Variants in RHOT1 observed in about 807,000 individuals in gnomAD.
The protein encoded by RHOT1 is mitochondrial Rho GTPase 1.
RHOT1 carries 27 observed loss-of-function variants against 95.3 expected under a neutral mutation model. That is an observed-to-expected ratio of 0.28 (90% confidence interval 0.21 to 0.39). The LOEUF (loss-of-function observed/expected upper bound fraction) is 0.39, where lower values mean the gene tolerates loss of function less well. Among genes scored for constraint, RHOT1 ranks in the 10% least tolerant of loss-of-function variants. The pLI, the probability that RHOT1 is intolerant of heterozygous loss-of-function variation, is 1.00. For synonymous variants in RHOT1, 227 were observed against 263.5 expected (o/e 0.86, Z 1.34); for missense variants, 578 against 786.7 (o/e 0.73, Z 3.17).
intron 5 of RHOT1, 51 bp downstream of exon 5, chr17:32,176,066 A>G (rs775621337): frequency 6.3e-7 from 1 of 1,579,944 alleles, no homozygotes; most frequent in Admixed American, 1.8e-5. Flanking sequence ...AGTGCTTCCA[A>G]AGTTGATTCT....
chr17:32,156,247 T>C (rs979392640), intron 1 of RHOT1, among the ~76,000 whole-genome samples: 2 of 152,192 alleles, frequency 1.3e-5, no homozygotes, highest in Non-Finnish European at 2.9e-5. Flanking sequence ...TACTATATCT[T>C]ACGTAGTGGT....
At chr17:32,203,052 G>C (rs1366900548) in intron 15 of RHOT1, 152 bp downstream of exon 15, 2 of 735,406 alleles carry the variant, frequency 2.7e-6, no homozygotes, top group East Asian at 2.7e-5. Context: ...CAGTAATCCT[G>C]TTGAACTGTC....
At chr17:32,175,071 A>G (rs73286135) in intron 3 of RHOT1, among the ~76,000 whole-genome samples, 1,720 of 152,322 alleles carry the variant, frequency 0.011, 34 homozygotes, top group African/African-American at 0.039. Context: ...TCTGGACCAG[A>G]TGCTGGCCTA....
In RHOT1 at chr17:32,198,657, T is replaced by C. The variant is rs186972246; in HGVS notation, c.870-290T>C. The stretch of plus-strand genomic sequence containing the variant: ...CCAGGAGGTCGAGACTGCAGTGAGC[T>C]GTGATCGTGCCACTGCACTGTAGCC... On this transcript the variant is annotated intron_variant, in intron 11 of 19. Transcript: ENST00000545287. Among the ~76,000 whole-genome samples, 118 of 152,286 alleles carry C rather than the reference T, an allele frequency of 7.7e-4. 1 individual carries two copies. The highest frequency in any genetic ancestry group is 2.0e-3 in the Admixed American group (31 of 15,284).
chr17:32,148,549 C>T (rs947905490), intron 1 of RHOT1, among the ~76,000 whole-genome samples: 7 of 152,212 alleles, frequency 4.6e-5, no homozygotes, highest in Non-Finnish European at 8.8e-5. Flanking sequence ...TTTTGTTCTG[C>T]AGGCCACATC....
chr17:32,142,911 C>T (rs938755931), intron 1 of RHOT1, 182 bp downstream of exon 1: 7 of 734,424 alleles, frequency 9.5e-6, no homozygotes, highest in South Asian at 1.5e-5. Context: ...TCTCTTTTGG[C>T]TGGCCGCCGG....
chr17:32,218,171 CTT>C (rs1173646292), intron 19 of RHOT1, among the ~76,000 whole-genome samples: 1 of 150,444 alleles, frequency 6.6e-6, no homozygotes, highest in Non-Finnish European at 1.5e-5. Flanking sequence ...CCTCAGAAGA[CTT>C]TTTTTTTAAG....
At chr17:32,167,290 T>C (rs2034171733) in intron 1 of RHOT1, among the ~76,000 whole-genome samples, 1 of 152,178 alleles carries the variant, frequency 6.6e-6, no homozygotes, top group Admixed American at 6.5e-5. Flanking sequence ...GGCTTTGTTA[T>C]TCCATTTATA....
chr17:32,192,249 G>A lies in RHOT1; in HGVS notation c.589G>A (p.Asp197Asn). 6.3e-7 allele frequency: 1 copy of A among 1,582,856 alleles called. No homozygotes were observed. The highest frequency in any genetic ancestry group is 8.6e-7 in the Non-Finnish European group (1 of 1,163,764). ...CCTTACTCGTATATTTAAAATATCT[G>A]ATCAAGATAATGATGGTACTCTCAA... Reference protein sequence around the residue: ...KALTRIFKISDQDNDGTLNDA... With the variant: ...KALTRIFKISNQDNDGTLNDA... The change falls in exon 9 of 20, where the codon GAT (aspartate) becomes AAT (asparagine). Residue 197 changes from aspartate to asparagine, a missense_variant. Physicochemically the swap from Asp to Asn is conservative, Grantham distance 23. Transcript: ENST00000545287.
intron 1 of RHOT1, chr17:32,150,589 C>G: frequency 6.3e-7 from 1 of 1,587,270 alleles, no homozygotes; most frequent in Non-Finnish European, 8.6e-7. Flanking sequence ...GGAACCCTGT[C>G]CTCCTACCTG....
intron 11 of RHOT1, among the ~76,000 whole-genome samples, chr17:32,194,918 C>T (rs984641574): frequency 4.6e-5 from 7 of 151,082 alleles, no homozygotes; most frequent in African/African-American, 1.7e-4. Context: ...AACCTCCCAC[C>T]GCGTTTAAGC....
intron 8 of RHOT1, among the ~76,000 whole-genome samples, chr17:32,190,910 C>G (rs1176348738): frequency 6.6e-6 from 1 of 152,162 alleles, no homozygotes; most frequent in Admixed American, 6.5e-5. Context: ...ATTCTCCTGC[C>G]TCAGCCTCCC....
In RHOT1 at chr17:32,164,297, C is replaced by T. The variant is rs575760073; in HGVS notation, c.38-6746C>T. ...TCGCCAGGCTGGAGTGCAGTGGCGC[C>T]GTCTTGGCTCACTGCAGCCTCTGCC... On this transcript the variant is annotated intron_variant, in intron 1 of 19. Coordinates refer to ENST00000545287, the MANE Select transcript of RHOT1 (RefSeq NM_001033566.3). Among the ~76,000 whole-genome samples, 1,258 of 151,718 alleles carry T rather than the reference C, an allele frequency of 8.3e-3. 21 individuals are homozygous for T. Among genetic ancestry groups the T allele is most frequent in the African/African-American group, 0.029 (1,186 of 41,376 alleles).
intron 16 of RHOT1, 46 bp downstream of exon 16, chr17:32,204,019 T>C: frequency 7.7e-7 from 1 of 1,298,560 alleles, no homozygotes; most frequent in Non-Finnish European, 1.1e-6. Flanking sequence ...ATTGGGTACA[T>C]TTTTAAATGA....
intron 19 of RHOT1, among the ~76,000 whole-genome samples, chr17:32,222,408 C>T (rs1008437069): frequency 1.6e-4 from 25 of 152,184 alleles, no homozygotes; most frequent in African/African-American, 5.5e-4. Context: ...ATGGTTACTA[C>T]GTGTTGTCAG....
intron 14 of RHOT1, among the ~76,000 whole-genome samples, chr17:32,201,695 GCA>G (rs2037330216): frequency 2.6e-5 from 4 of 152,146 alleles, no homozygotes; most frequent in Admixed American, 2.0e-4. Context: ...CTTTCACTCA[GCA>G]CATTGTGGAC....
intron 19 of RHOT1, among the ~76,000 whole-genome samples, chr17:32,215,583 T>C (rs1689378258): frequency 1.3e-5 from 2 of 152,208 alleles, no homozygotes; most frequent in Admixed American, 6.5e-5. Context: ...TCCTTCATGC[T>C]AAAAAGGAAA....
At chr17:32,178,441 C>T (rs141935326) in intron 6 of RHOT1, among the ~76,000 whole-genome samples, 455 of 152,280 alleles carry the variant, frequency 3.0e-3, no homozygotes, top group Middle Eastern at 6.8e-3. Flanking sequence ...ATCTGCCTGC[C>T]GTGGCCTCCC....
intron 19 of RHOT1, among the ~76,000 whole-genome samples, chr17:32,215,220 C>A (rs1288369886): frequency 1.3e-5 from 2 of 152,074 alleles, no homozygotes; most frequent in Non-Finnish European, 2.9e-5. Context: ...TAAAAAGTTT[C>A]ATTGAATGTC....
Sources: allele counts gnomAD v4.1 joint callset (sites outside exome capture counted in the v4.1 genomes callset), GRCh38; gene constraint gnomAD v4.1.1; transcripts MANE v1.5; gene names NCBI Gene and HGNC (gene_info 2026-07-23, HGNC 2026-07-21).